Variants in STOX2 observed in about 807,000 individuals in gnomAD.
STOX2 encodes the protein storkhead-box protein 2.
In STOX2, 28 loss-of-function variants were observed where a neutral mutation model predicts 60.9. That is an observed-to-expected ratio of 0.46 (90% confidence interval 0.34 to 0.63). The LOEUF is 0.63. Among genes scored for constraint, STOX2 ranks in the 30% least tolerant of loss-of-function variants. The pLI is 0.01. For missense variants in STOX2, 1,024 were observed against 1,187.7 expected (o/e 0.86, Z 2.03); for synonymous variants, 472 against 463.9 (o/e 1.02, Z -0.22).
intron 1 of STOX2, among the ~76,000 whole-genome samples, chr4:183,852,786 G>T (rs980478681): frequency 1.3e-5 from 2 of 152,212 alleles, no homozygotes; most frequent in Admixed American, 6.5e-5. Context: ...GTAAGTTGGT[G>T]TAAGGGTGCG....
intron 1 of STOX2, among the ~76,000 whole-genome samples, chr4:183,971,927 A>G (rs1743754075): frequency 6.6e-6 from 1 of 152,188 alleles, no homozygotes. Context: ...TTGAAGTTCC[A>G]CTAAACTGTA....
chr4:183,878,173 G>A (rs1185357078), intron 1 of STOX2, among the ~76,000 whole-genome samples: 1 of 152,196 alleles, frequency 6.6e-6, no homozygotes, highest in Admixed American at 6.6e-5. Context: ...TCTAAGAAGA[G>A]CTTGTCCAGT....
intron 1 of STOX2, among the ~76,000 whole-genome samples, chr4:183,956,427 C>T (rs1027386097): frequency 7.0e-6 from 1 of 143,144 alleles, no homozygotes; most frequent in South Asian, 2.2e-4. Flanking sequence ...GTCGATCTAT[C>T]ATTCTATCAT....
At chr4:183,915,831 C>G (rs903116700) in intron 1 of STOX2, among the ~76,000 whole-genome samples, 2 of 152,218 alleles carry the variant, frequency 1.3e-5, no homozygotes, top group Non-Finnish European at 2.9e-5. Flanking sequence ...AACAATCCTA[C>G]TGACACCTGG....
In STOX2 at chr4:183,843,158, AAAAAAG is replaced by A. The variant is rs1553967452; in HGVS notation, c.364+45127_364+45132del. ...GCGAGACTCCATCTCAAAAAAAAAAAAAAAAGAAAAAGAAAAAGAAAAAGAAAAATG... is the reference window on the plus strand; with the variant it reads ...GCGAGACTCCATCTCAAAAAAAAAAAAAAAAGAAAAAGAAAAAGAAAAATG... On this transcript the variant is annotated intron_variant, in intron 1 of 2. Transcript: ENST00000513034. 1.7e-4 allele frequency among the ~76,000 whole-genome samples: 25 copies of A among 150,708 alleles called. No individual in the cohort carries two copies. In the South Asian group the frequency reaches 1.9e-3, roughly 11 times the overall value.
chr4:183,833,188 C>T (rs1224205376), intron 1 of STOX2, among the ~76,000 whole-genome samples: 2 of 152,152 alleles, frequency 1.3e-5, no homozygotes, highest in African/African-American at 4.8e-5. Context: ...TAACCGCTTG[C>T]AAGAAGTCAA....
intron 1 of STOX2, among the ~76,000 whole-genome samples, chr4:183,959,429 G>A (rs989907356): frequency 1.3e-5 from 2 of 152,184 alleles, no homozygotes; most frequent in African/African-American, 4.8e-5. Flanking sequence ...GTAAACAAAA[G>A]CTGGCATTTT....
chr4:183,963,844 C>T (rs1446968967), intron 1 of STOX2, among the ~76,000 whole-genome samples: 4 of 150,436 alleles, frequency 2.7e-5, no homozygotes, highest in African/African-American at 7.4e-5. Flanking sequence ...GGCATGATCT[C>T]GGCTCACTGC....
chr4:183,934,062 G>T (rs1742519315), intron 1 of STOX2, among the ~76,000 whole-genome samples: 1 of 152,102 alleles, frequency 6.6e-6, no homozygotes, highest in African/African-American at 2.4e-5. Context: ...CTAGCACTTT[G>T]GGAGGCCGAG....
chr4:183,963,119 A>G (rs2111164147), intron 1 of STOX2, among the ~76,000 whole-genome samples: 1 of 152,310 alleles, frequency 6.6e-6, no homozygotes, highest in South Asian at 2.1e-4. Context: ...CACACTCACC[A>G]GTCACAAAAG....
rs766369744 is a variant in STOX2 at position 183,835,227 on chromosome 4, AT to A, written c.364+37187del. On this transcript the variant is annotated intron_variant, in intron 1 of 2. Transcript: ENST00000513034. ...CATCATAGTGTCTGGCAACCAATAG[AT>A]TTTTTTTTTTTTTTGAGACGGAGTC... Among the ~76,000 whole-genome samples, 683 of 141,964 alleles carry A rather than the reference AT, an allele frequency of 4.8e-3. 1 individual carries two copies. Among genetic ancestry groups the A allele is most frequent in the African/African-American group, 9.1e-3 (352 of 38,532 alleles). The allele number at this position is 141,964 out of a possible 152,430, so 93.1% of individuals were successfully genotyped here. A position where few individuals can be genotyped will look rare whatever the true frequency, so the allele number is the denominator to read the frequency against.
intron 1 of STOX2, among the ~76,000 whole-genome samples, chr4:183,939,067 G>A (rs1742676951): frequency 6.6e-6 from 1 of 152,192 alleles, no homozygotes; most frequent in African/African-American, 2.4e-5. Context: ...ACTTGTAAAA[G>A]CTATCGGTAG....
intron 1 of STOX2, among the ~76,000 whole-genome samples, chr4:183,860,415 A>C (rs1427194648): frequency 6.7e-6 from 1 of 148,652 alleles, no homozygotes; most frequent in Non-Finnish European, 1.5e-5. Context: ...GGCTTAAAAC[A>C]AAACAAAACA....
At chr4:183,846,888 T>G (rs1740002858) in intron 1 of STOX2, among the ~76,000 whole-genome samples, 1 of 152,182 alleles carries the variant, frequency 6.6e-6, no homozygotes, top group Non-Finnish European at 1.5e-5. Context: ...GGTAGTCAGA[T>G]TCTTTCTGAT....
At chr4:183,927,486 T>C (rs545653107) in intron 1 of STOX2, among the ~76,000 whole-genome samples, 95 of 152,234 alleles carry the variant, frequency 6.2e-4, no homozygotes, top group African/African-American at 2.1e-3. Flanking sequence ...AAGGGTCATT[T>C]ATTTCTGAGA....
At chr4:183,853,093 G>C (rs1172518050) in intron 1 of STOX2, among the ~76,000 whole-genome samples, 1 of 152,194 alleles carries the variant, frequency 6.6e-6, no homozygotes, top group African/African-American at 2.4e-5. Flanking sequence ...CCTCAGCAAT[G>C]GTTCCCAGAT....
At chr4:183,961,570 T>C (rs552058507) in intron 1 of STOX2, among the ~76,000 whole-genome samples, 1 of 152,356 alleles carries the variant, frequency 6.6e-6, no homozygotes, top group South Asian at 2.1e-4. Flanking sequence ...ATTCATTTTT[T>C]AATGTTTTAG....
intron 1 of STOX2, among the ~76,000 whole-genome samples, chr4:183,926,426 C>G (rs923931225): frequency 2.0e-5 from 3 of 152,136 alleles, no homozygotes; most frequent in African/African-American, 7.2e-5. Context: ...CAGTGATATT[C>G]TTTCATTTAA....
intron 1 of STOX2, among the ~76,000 whole-genome samples, chr4:183,993,977 G>A (rs1560927384): frequency 6.6e-6 from 1 of 152,130 alleles, no homozygotes; most frequent in Non-Finnish European, 1.5e-5. Flanking sequence ...ACTGTAGTAG[G>A]CCTTCTGTTA....
Sources: allele counts gnomAD v4.1 joint callset (sites outside exome capture counted in the v4.1 genomes callset), GRCh38; gene constraint gnomAD v4.1.1; transcripts MANE v1.5; gene names NCBI Gene and HGNC (gene_info 2026-07-23, HGNC 2026-07-21).